The following PTPRD variants were observed in gnomAD, a reference collection of about 807,000 sequenced individuals.
The protein encoded by PTPRD is protein tyrosine phosphatase receptor type D.
PTPRD carries 34 observed loss-of-function variants against 214.5 expected under a neutral mutation model. The ratio of observed to expected loss-of-function variants is 0.16; its 90% CI spans 0.12 to 0.21. The LOEUF is 0.21. Among genes scored for constraint, PTPRD ranks in the 10% least tolerant of loss-of-function variants. The probability of loss-of-function intolerance (pLI) is 1.00; values close to 1 mark genes in which losing one functional copy is unlikely to be tolerated. For synonymous variants in PTPRD, 1,128 were observed against 845.7 expected (o/e 1.33, Z -5.79); for missense variants, 2,545 against 2,398.7 (o/e 1.06, Z -1.27).
At chr9:9,650,618 G>A (rs2096313910) in intron 7 of PTPRD, among the ~76,000 whole-genome samples, 1 of 152,060 alleles carries the variant, frequency 6.6e-6, no homozygotes, top group Non-Finnish European at 1.5e-5. Context: ...ATATACTAGG[G>A]CCTCTCAGAG....
At chr9:8,949,678 A>T (rs1048084427) in intron 11 of PTPRD, among the ~76,000 whole-genome samples, 1 of 152,130 alleles carries the variant, frequency 6.6e-6, no homozygotes, top group African/African-American at 2.4e-5. Flanking sequence ...TAAACATGCT[A>T]TTGTTCTTAA....
chr9:10,018,187 G>C (rs1477078262), intron 4 of PTPRD, among the ~76,000 whole-genome samples: 2 of 116,768 alleles, frequency 1.7e-5, no homozygotes, highest in African/African-American at 2.5e-5. Flanking sequence ...GGGAGGGGAA[G>C]AGGAGGAGAG....
chr9:10,008,120 C>T lies in PTPRD; in HGVS notation c.-472+25598G>A, dbSNP rs559406610. ...TGAGAAATAACAATAAAATCTTAAG[C>T]ACCTCAACCCGCTTAACAAATTCCC... On this transcript the variant is annotated intron_variant, in intron 4 of 45. Transcript: ENST00000381196. Among the ~76,000 whole-genome samples, 71 of 152,024 alleles carry T rather than the reference C, an allele frequency of 4.7e-4. 1 individual carries two copies. In the South Asian group the frequency reaches 0.014, roughly 31 times the overall value.
chr9:10,586,211 G>A (rs907178684), intron 2 of PTPRD, among the ~76,000 whole-genome samples: 6 of 151,980 alleles, frequency 3.9e-5, no homozygotes, highest in Non-Finnish European at 5.9e-5. Context: ...ATACAGCAGA[G>A]AGACTCAATA....
At chr9:9,722,704 T>C (rs1445016935) in intron 7 of PTPRD, among the ~76,000 whole-genome samples, 2 of 152,058 alleles carry the variant, frequency 1.3e-5, no homozygotes, top group East Asian at 1.9e-4. Context: ...ACAATTCCAA[T>C]TCCTCCACAT....
intron 41 of PTPRD, 32 bp downstream of exon 41, chr9:8,341,058 C>T (rs1470815219): frequency 1.3e-6 from 2 of 1,542,752 alleles, no homozygotes; most frequent in Admixed American, 2.0e-5. Flanking sequence ...AATATCAAGG[C>T]TTTGGATAGT....
At chr9:9,223,454 T>G (rs1206097863) in intron 9 of PTPRD, among the ~76,000 whole-genome samples, 1 of 152,030 alleles carries the variant, frequency 6.6e-6, no homozygotes, top group East Asian at 1.9e-4. Context: ...CACAGATTAA[T>G]CTACCCCTTT....
chr9:9,796,029 A>G (rs2099000221), intron 5 of PTPRD, among the ~76,000 whole-genome samples: 1 of 152,130 alleles, frequency 6.6e-6, no homozygotes, highest in Non-Finnish European at 1.5e-5. Context: ...ATTAAGAAAA[A>G]GATTCTTCTA....
chr9:9,615,886 T>G (rs980914216), intron 7 of PTPRD, among the ~76,000 whole-genome samples: 1 of 152,180 alleles, frequency 6.6e-6, no homozygotes, highest in African/African-American at 2.4e-5. Flanking sequence ...AAGTCCTCTC[T>G]CAATAGGATG....
Position 8,340,406 on chromosome 9 carries a change from C to T in PTPRD, c.5190G>A (p.Arg1730=), listed in dbSNP as rs2132356738. The T allele has an allele frequency of 6.2e-7, 1 of 1,610,508 alleles. No individual in the cohort carries two copies. The highest frequency in any genetic ancestry group is 8.5e-7 in the Non-Finnish European group (1 of 1,177,502). The change falls in exon 42 of 46, where the codon CGG becomes CGA. Residue 1730 remains arginine, a synonymous_variant. Coordinates refer to ENST00000381196, the MANE Select transcript of PTPRD (RefSeq NM_002839.4). ...PLAETTEDFW[R]MLWEHNSTIV... ...TGGTGGAATTGTGTTCCCAGAGCATCCGCCAGAAGTCTTCAGTGGTCTCTG... is the reference window on the plus strand; with the variant it reads ...TGGTGGAATTGTGTTCCCAGAGCATTCGCCAGAAGTCTTCAGTGGTCTCTG...
intron 8 of PTPRD, among the ~76,000 whole-genome samples, chr9:9,474,306 G>A (rs111876986): frequency 0.012 from 1,751 of 151,944 alleles, 40 homozygotes; most frequent in African/African-American, 0.041. Context: ...CTTTTCCATT[G>A]GTCTATTTTT....
intron 5 of PTPRD, among the ~76,000 whole-genome samples, chr9:9,800,240 C>T (rs1408983341): frequency 6.6e-6 from 1 of 152,144 alleles, no homozygotes; most frequent in Non-Finnish European, 1.5e-5. Flanking sequence ...GAGACTGAGG[C>T]GGAAGGATGG....
chr9:10,147,450 T>A (rs1165551885), intron 3 of PTPRD, among the ~76,000 whole-genome samples: 1 of 152,134 alleles, frequency 6.6e-6, no homozygotes, highest in African/African-American at 2.4e-5. Flanking sequence ...CAACGTATAA[T>A]TCTAAAAGCC....
intron 2 of PTPRD, among the ~76,000 whole-genome samples, chr9:10,354,844 G>T (rs964564559): frequency 2.4e-4 from 36 of 152,072 alleles, no homozygotes; most frequent in African/African-American, 8.2e-4. Context: ...GATGTGTGCC[G>T]TACGTGCTTT....
At chr9:10,311,383 C>A (rs568467216) in intron 3 of PTPRD, among the ~76,000 whole-genome samples, 4 of 152,118 alleles carry the variant, frequency 2.6e-5, no homozygotes, top group African/African-American at 7.2e-5. Flanking sequence ...AATGCAATCT[C>A]TTCTGAGAAT....
intron 6 of PTPRD, among the ~76,000 whole-genome samples, chr9:9,747,316 A>G (rs2098467782): frequency 1.3e-5 from 2 of 152,116 alleles, no homozygotes; most frequent in Admixed American, 6.6e-5. Flanking sequence ...CCCTCCCAAG[A>G]AAACATGTTG....
intron 9 of PTPRD, among the ~76,000 whole-genome samples, chr9:9,364,418 T>A (rs2057267077): frequency 6.6e-6 from 1 of 151,418 alleles, no homozygotes; most frequent in South Asian, 2.1e-4. Context: ...GAGAAGGGAA[T>A]GTATTTTGAG....
rs184749941 is a variant in PTPRD at position 9,485,212 on chromosome 9, A to T, written c.-236-87730T>A. Among the ~76,000 whole-genome samples the T allele has an allele frequency of 6.1e-3, 927 of 152,254 alleles. 9 individuals are homozygous for T. Among genetic ancestry groups the T allele is most frequent in the Admixed American group, 0.012 (179 of 15,290 alleles). On this transcript the variant is annotated intron_variant, in intron 8 of 45. Transcript: ENST00000381196. ...TGTTTTGAAAACAACTATTATGGGTAAAAAAATTGAAGCATAATCCACTAA... is the reference window on the plus strand; with the variant it reads ...TGTTTTGAAAACAACTATTATGGGTTAAAAAATTGAAGCATAATCCACTAA...
rs80083126 is a variant in PTPRD at position 9,456,447 on chromosome 9, T to C, written c.-236-58965A>G. 9.5e-3 allele frequency among the ~76,000 whole-genome samples: 1,446 copies of C among 151,940 alleles called. 16 individuals carry two copies. The highest frequency in any genetic ancestry group is 0.033 in the African/African-American group (1,371 of 41,524). The stretch of plus-strand genomic sequence containing the variant: ...TGGTAAATGACAGAGAGAAAGAATG[T>C]CAGTCTTATTTTCTCCGCTTTTATT... On this transcript the variant is annotated intron_variant, in intron 8 of 45. Coordinates refer to ENST00000381196, the MANE Select transcript of PTPRD (RefSeq NM_002839.4).
Sources: allele counts gnomAD v4.1 joint callset (sites outside exome capture counted in the v4.1 genomes callset), GRCh38; gene constraint gnomAD v4.1.1; transcripts MANE v1.5; gene names NCBI Gene and HGNC (gene_info 2026-07-23, HGNC 2026-07-21).